The following CDH8 variants were observed in gnomAD, a reference collection of about 807,000 sequenced individuals.
CDH8 encodes the protein cadherin 8, also known as cadherin-8.
A neutral mutation model predicts 68.1 loss-of-function variants in CDH8; 17 were observed. The observed-to-expected ratio is 0.25, with a 90% CI of 0.17 to 0.37. CDH8 has a LOEUF of 0.37. Ranked by LOEUF, CDH8 falls within the 10% of genes least tolerant of loss-of-function variation. CDH8 has a pLI of 1.00. For synonymous variants in CDH8, 372 were observed against 365.1 expected, an observed-to-expected ratio of 1.02 and a Z score of -0.21; for missense variants, 763 against 999.3, an observed-to-expected ratio of 0.76 and a Z score of 3.19.
chr16:61,722,772 C>T (rs1431746763), intron 9 of CDH8, among the ~76,000 whole-genome samples: 3 of 150,678 alleles, frequency 2.0e-5, no homozygotes, highest in Admixed American at 6.6e-5. Flanking sequence ...TAAGTGACTA[C>T]CTTTTTATTT....
chr16:61,815,567 T>C (rs535260272), intron 7 of CDH8, among the ~76,000 whole-genome samples: 3 of 152,254 alleles, frequency 2.0e-5, no homozygotes, highest in South Asian at 4.2e-4. Flanking sequence ...ACTGGTACCA[T>C]GTAGTCCATG....
intron 3 of CDH8, among the ~76,000 whole-genome samples, chr16:61,863,382 G>A (rs1394436814): frequency 1.3e-5 from 2 of 152,116 alleles, no homozygotes; most frequent in Admixed American, 1.3e-4. Flanking sequence ...ATGCTACACT[G>A]TCGGGGTGGA....
At chr16:61,768,358 CTCTCTCTCT>C (rs1960669733) in intron 8 of CDH8, among the ~76,000 whole-genome samples, 24 of 113,604 alleles carry the variant, frequency 2.1e-4, no homozygotes, top group African/African-American at 4.2e-4. Flanking sequence ...CTCTCTCTCT[CTCTCTCTCT>C]CCCTTTCTCT....
At chr16:61,879,204 T>TA (rs1963523217) in intron 3 of CDH8, among the ~76,000 whole-genome samples, 1 of 152,214 alleles carries the variant, frequency 6.6e-6, no homozygotes, top group South Asian at 2.1e-4. Flanking sequence ...AAAATTTACT[T>TA]ATATTGAATC....
At chr16:61,800,644 A>G (rs1046312731) in intron 7 of CDH8, among the ~76,000 whole-genome samples, 1 of 152,218 alleles carries the variant, frequency 6.6e-6, no homozygotes, top group Non-Finnish European at 1.5e-5. Context: ...GCCTGTTTCA[A>G]AGGCACTTCA....
intron 6 of CDH8, among the ~76,000 whole-genome samples, chr16:61,820,316 T>TTTG (rs1232017849): frequency 1.2e-4 from 17 of 141,012 alleles, no homozygotes; most frequent in African/African-American, 4.2e-4. Flanking sequence ...CCTGTTTGGT[T>TTTG]TTTTTTTTTT....
intron 10 of CDH8, among the ~76,000 whole-genome samples, chr16:61,686,258 T>C (rs1366375904): frequency 1.3e-5 from 2 of 152,008 alleles, no homozygotes; most frequent in African/African-American, 2.4e-5. Flanking sequence ...CCAATCTTCT[T>C]ACTCTATTTT....
chr16:61,748,291 A>G (rs775448694), intron 8 of CDH8, among the ~76,000 whole-genome samples: 1 of 152,002 alleles, frequency 6.6e-6, no homozygotes, highest in Non-Finnish European at 1.5e-5. Context: ...AGGCACCATG[A>G]TTTTAATTTT....
chr16:61,774,626 C>T (rs1057377099), intron 8 of CDH8, among the ~76,000 whole-genome samples: 17 of 151,892 alleles, frequency 1.1e-4, no homozygotes, highest in South Asian at 2.1e-4. Flanking sequence ...CAGGGTACTC[C>T]CTCATTATAC....
rs1415389681 is a variant in CDH8 at position 61,648,084 on chromosome 16, G to A, written c.*5524C>T. The A allele has an allele frequency of 8.3e-6, 4 of 483,870 alleles. No individual in the cohort carries two copies. In the South Asian group the frequency reaches 8.3e-5, roughly 10 times the overall value. The allele number at this position is 483,870 out of a possible 1,614,324, so 30.0% of individuals were successfully genotyped here. A position where few individuals can be genotyped will look rare whatever the true frequency, so the allele number is the denominator to read the frequency against. ...AAACTTCCACACATAAAGGAAGGAGGAGAATACATACAAAAACACTTACAA... is the reference window on the plus strand; with the variant it reads ...AAACTTCCACACATAAAGGAAGGAGAAGAATACATACAAAAACACTTACAA... On this transcript the variant is annotated 3_prime_UTR_variant, in exon 12 of 12. Transcript: ENST00000577390.
chr16:61,885,420 G>T (rs920395548), intron 3 of CDH8, among the ~76,000 whole-genome samples: 3 of 152,150 alleles, frequency 2.0e-5, no homozygotes, highest in Non-Finnish European at 4.4e-5. Flanking sequence ...CTATGTTCAT[G>T]AGAAATCTAG....
intron 8 of CDH8, among the ~76,000 whole-genome samples, chr16:61,776,086 T>A (rs1346790343): frequency 1.3e-5 from 2 of 151,936 alleles, no homozygotes; most frequent in Non-Finnish European, 2.9e-5. Context: ...AAGCACCAGG[T>A]TTCATCTGGA....
chr16:61,735,994 A>C (rs907728582), intron 8 of CDH8, among the ~76,000 whole-genome samples: 57 of 151,918 alleles, frequency 3.8e-4, no homozygotes, highest in African/African-American at 1.3e-3. Flanking sequence ...AATAGCTTGA[A>C]CCCGGGAGGT....
At position 61,713,283 on chromosome 16, in the gene CDH8, G is replaced by A. The variant is rs560474594; in HGVS notation, c.1654+558C>T. Among the ~76,000 whole-genome samples the A allele has an allele frequency of 1.6e-4, 24 of 151,794 alleles. 1 individual carries two copies. The highest frequency in any genetic ancestry group is 5.5e-4 in the African/African-American group (23 of 41,510). ...TAATGAAATGGATTAAATGTGCTCA[G>A]TGAGTGAAAGACTTAACAATAAATC... On this transcript the variant is annotated intron_variant, in intron 10 of 11. Transcript: ENST00000577390.
intron 2 of CDH8, among the ~76,000 whole-genome samples, chr16:61,935,478 T>C (rs1239684635): frequency 6.6e-6 from 1 of 152,192 alleles, no homozygotes; most frequent in Non-Finnish European, 1.5e-5. Flanking sequence ...AATATAGTAT[T>C]GAGAATGGAA....
At position 61,960,037 on chromosome 16, in the gene CDH8, C is replaced by CAA. The variant is rs1178756199; in HGVS notation, c.253-58566_253-58565dup. Among the ~76,000 whole-genome samples, 2 of 87,882 alleles carry CAA rather than the reference C, an allele frequency of 2.3e-5. 1 individual carries two copies. The highest frequency in any genetic ancestry group is 4.3e-5 in the Non-Finnish European group (2 of 46,366). 57.7% of individuals were successfully genotyped at this position (87,882 alleles called of 152,430 possible). Reference sequence around the variant, plus strand: ...ATATACACACATACACACACACACACAACATATATGTATGTATGTGTGTGT... The same window carrying CAA: ...ATATACACACATACACACACACACACAAAACATATATGTATGTATGTGTGTGT... On this transcript the variant is annotated intron_variant, in intron 2 of 11. Transcript: ENST00000577390.
At chr16:62,012,446 A>C (rs976535199) in intron 2 of CDH8, among the ~76,000 whole-genome samples, 1 of 152,230 alleles carries the variant, frequency 6.6e-6, no homozygotes, top group Non-Finnish European at 1.5e-5. Context: ...GTGCTTTATT[A>C]ATTGATGAGA....
intron 2 of CDH8, among the ~76,000 whole-genome samples, chr16:61,926,860 T>C (rs1251226409): frequency 2.6e-5 from 4 of 152,194 alleles, no homozygotes; most frequent in Admixed American, 1.3e-4. Flanking sequence ...TAAGATATTA[T>C]GTACTTTTTA....
At chr16:62,022,042 G>GT (rs1902088209) in intron 1 of CDH8, among the ~76,000 whole-genome samples, 1 of 150,784 alleles carries the variant, frequency 6.6e-6, no homozygotes, top group Non-Finnish European at 1.5e-5. Flanking sequence ...TTCTTTCTTT[G>GT]TTTTTCTTTC....
Sources: gnomAD v4.1 joint callset for allele counts (sites outside exome capture counted in the v4.1 genomes callset) on GRCh38, gnomAD v4.1.1 for gene constraint, MANE v1.5 for transcripts, NCBI Gene and HGNC (gene_info 2026-07-23, HGNC 2026-07-21) for gene names.